ZDHHC14: variants seen among roughly 807,000 people sequenced by gnomAD.
ZDHHC14 encodes zDHHC palmitoyltransferase 14.
ZDHHC14 carries 16 observed loss-of-function variants against 47.7 expected under a neutral mutation model. That is an observed-to-expected ratio of 0.34 (90% CI 0.23 to 0.51). The LOEUF (loss-of-function observed/expected upper bound fraction) is 0.51, where lower values mean the gene tolerates loss of function less well. Ranked by LOEUF, ZDHHC14 falls within the 20% of genes least tolerant of loss-of-function variation. The probability of loss-of-function intolerance (pLI) is 0.97; values close to 1 mark genes in which losing one functional copy is unlikely to be tolerated. For missense variants in ZDHHC14, 515 were observed against 662.5 expected (o/e 0.78, Z 2.44); for synonymous variants, 293 against 278.9 (o/e 1.05, Z -0.50).
Position 157,645,758 on chromosome 6 carries a change from C to T in ZDHHC14, c.774C>T (p.Cys258=), listed in dbSNP as rs773826605. ...TCACCGTCCTGGAGGCTGTGGTGTG[C>T]TTCTTCTCTGTCTGGTCCATCGTTG... The part of the protein sequence containing the change: ...SPASVLEAVV[C]FFSVWSIVGL... Residue 258 remains cysteine (C), a synonymous_variant, in exon 6 of 9, where the codon TGC becomes TGT. Coordinates refer to ENST00000359775, the MANE Select transcript of ZDHHC14 (RefSeq NM_024630.3). 1.3e-5 allele frequency: 21 copies of T among 1,613,966 alleles called. No homozygotes were observed. Among genetic ancestry groups the T allele is most frequent in the Non-Finnish European group, 1.7e-6 (2 of 1,180,028 alleles).
chr6:157,592,674 C>T lies in ZDHHC14; in HGVS notation c.407-314C>T, dbSNP rs556939551. On this transcript the variant is annotated intron_variant, in intron 2 of 8. Coordinates refer to ENST00000359775, the MANE Select transcript of ZDHHC14 (RefSeq NM_024630.3). Reference sequence around the variant, plus strand: ...CAAGATGGCCTGGGGCCTCTCCTGCCGCCTACAGGGAGGGGAGGGGGAAGG... The same window carrying T: ...CAAGATGGCCTGGGGCCTCTCCTGCTGCCTACAGGGAGGGGAGGGGGAAGG... 3.8e-4 allele frequency: 386 copies of T among 1,017,822 alleles called. 2 individuals are homozygous for T. The highest frequency in any genetic ancestry group is 4.3e-4 in the Non-Finnish European group (351 of 818,934). The allele number at this position is 1,017,822 out of a possible 1,614,324, so 63.0% of individuals were successfully genotyped here.
rs113269802 is a variant in ZDHHC14, at chr6:157,521,738, A to G, written c.246-20847A>G. Among the ~76,000 whole-genome samples, 379 of 152,340 alleles carry G rather than the reference A, an allele frequency of 2.5e-3. 3 individuals are homozygous for G. The highest frequency in any genetic ancestry group is 8.9e-3 in the African/African-American group (369 of 41,570). On this transcript the variant is annotated intron_variant, in intron 1 of 8. Coordinates refer to ENST00000359775, the MANE Select transcript of ZDHHC14 (RefSeq NM_024630.3). ...CCATAGCAGCTTCTTTGGTGTGAGG[A>G]GAGGCTATGACATGGTTTCCTGGCA...
chr6:157,593,125 A>G lies in ZDHHC14; in HGVS notation c.544A>G (p.Ser182Gly), dbSNP rs759826360. Reference sequence around the variant, plus strand: ...CCGGCCCCCTCGCGCCTCCCATTGCAGCCTTTGTGATAACTGCGTAGGTGA... The same window carrying G: ...CCGGCCCCCTCGCGCCTCCCATTGCGGCCTTTGTGATAACTGCGTAGGTGA... ...IFRPPRASHC[S>G]LCDNCVERFD... Residue 182 changes from serine (S) to glycine (G), a missense_variant, in exon 3 of 9, where the codon AGC becomes GGC. By Grantham distance (56) the Ser-to-Gly change is moderately conservative. Transcript: ENST00000359775. The G allele has an allele frequency of 3.7e-6, 6 of 1,613,334 alleles. No homozygotes were observed. Among genetic ancestry groups the G allele is most frequent in the Non-Finnish European group, 1.7e-6 (2 of 1,179,624 alleles).
At chr6:157,631,185 ACT>A (rs1487208640) in intron 4 of ZDHHC14, 17 of 151,882 alleles carry the variant, frequency 1.1e-4, no homozygotes, top group African/African-American at 3.4e-4. Flanking sequence ...GCTCTCACAC[ACT>A]CTCACGGTGA....
intron 2 of ZDHHC14, among the ~76,000 whole-genome samples, chr6:157,590,859 C>T (rs1783881120): frequency 6.6e-6 from 1 of 152,240 alleles, no homozygotes; most frequent in African/African-American, 2.4e-5. Context: ...GGGGGTTGTA[C>T]CCTGCAAAGT....
intron 8 of ZDHHC14, among the ~76,000 whole-genome samples, chr6:157,655,446 G>A (rs1241535940): frequency 6.6e-6 from 1 of 152,184 alleles, no homozygotes; most frequent in Non-Finnish European, 1.5e-5. Flanking sequence ...ATGCCTGCAA[G>A]CGCACAGGCA....
At chr6:157,654,862 A>G (rs1305887988) in intron 8 of ZDHHC14, among the ~76,000 whole-genome samples, 3 of 151,774 alleles carry the variant, frequency 2.0e-5, no homozygotes, top group Admixed American at 6.6e-5. Context: ...CAGCCTTCCA[A>G]GTAGCTGGGA....
chr6:157,671,957 T>G lies in ZDHHC14; in HGVS notation c.1069-767T>G, dbSNP rs142161693. Reference sequence around the variant, plus strand: ...ACCACTACCACCCATCTCCAGGGCTTCTTCATCTTCCATGGCTGGAACTCT... The same window carrying G: ...ACCACTACCACCCATCTCCAGGGCTGCTTCATCTTCCATGGCTGGAACTCT... On this transcript the variant is annotated intron_variant, in intron 8 of 8. Coordinates refer to ENST00000359775, the MANE Select transcript of ZDHHC14 (RefSeq NM_024630.3). Among the ~76,000 whole-genome samples, 323 of 152,338 alleles carry G rather than the reference T, an allele frequency of 2.1e-3. 2 individuals carry two copies. In the Middle Eastern group the frequency reaches 0.024, roughly 11 times the overall value.
At chr6:157,385,647 G>C (rs985410489) in intron 1 of ZDHHC14, among the ~76,000 whole-genome samples, 1 of 152,220 alleles carries the variant, frequency 6.6e-6, no homozygotes, top group Non-Finnish European at 1.5e-5. Flanking sequence ...TTAGCCCCTG[G>C]AGAAAGGCAG....
At chr6:157,446,926 C>T (rs1660280070) in intron 1 of ZDHHC14, among the ~76,000 whole-genome samples, 2 of 151,886 alleles carry the variant, frequency 1.3e-5, no homozygotes, top group South Asian at 4.2e-4. Context: ...CGAGACTAGC[C>T]TGGCCAACAT....
chr6:157,592,795 G>A (rs1562496341), intron 2 of ZDHHC14, 193 bp from the exon 3 acceptor site: 2 of 1,407,402 alleles, frequency 1.4e-6, no homozygotes, highest in Non-Finnish European at 1.9e-6. Context: ...GCCCCTGCAC[G>A]TGTGCAACGA....
chr6:157,425,836 G>A (rs533903890), intron 1 of ZDHHC14, among the ~76,000 whole-genome samples: 183 of 152,272 alleles, frequency 1.2e-3, no homozygotes, highest in South Asian at 3.9e-3. Flanking sequence ...CTTCTAGAAC[G>A]TGCTGTGCCC....
chr6:157,413,672 C>CATGT (rs1777915273), intron 1 of ZDHHC14, among the ~76,000 whole-genome samples: 1 of 151,486 alleles, frequency 6.6e-6, no homozygotes, highest in Admixed American at 6.6e-5. Context: ...GAGCTTTCTA[C>CATGT]ACTGCATTTT....
chr6:157,666,839 T>G (rs1236040099), intron 8 of ZDHHC14, among the ~76,000 whole-genome samples: 1 of 152,218 alleles, frequency 6.6e-6, no homozygotes, highest in African/African-American at 2.4e-5. Context: ...ATTGTAACAT[T>G]AAGTGCTAAT....
intron 1 of ZDHHC14, among the ~76,000 whole-genome samples, chr6:157,396,071 CCT>C (rs1476217147): frequency 1.3e-5 from 2 of 152,036 alleles, no homozygotes; most frequent in Non-Finnish European, 2.9e-5. Context: ...AGTAGACCTC[CCT>C]GTCTCCCTCT....
rs1454248712 is a variant in ZDHHC14, at chr6:157,628,406, GA to G, written c.624del (p.Arg208SerfsTer13). On this transcript the variant is annotated frameshift_variant, in exon 4 of 9. Transcript: ENST00000359775. LOFTEE classifies it high-confidence loss of function. ...VGNCVGKRNY[R>X]FFYMFILSLS... is the part of the protein sequence containing the mutation. Reference sequence around the variant, plus strand: ...AACTGTGTGGGGAAAAGAAACTACAGATTTTTTTATATGTTTATTTTATCTC... The same window carrying G: ...AACTGTGTGGGGAAAAGAAACTACAGTTTTTTTATATGTTTATTTTATCTC... The G allele has an allele frequency of 6.2e-7, 1 of 1,612,910 alleles. No homozygotes were observed. The highest frequency in any genetic ancestry group is 1.3e-5 in the African/African-American group (1 of 74,626).
At chr6:157,644,542 G>A (rs1368724340) in intron 5 of ZDHHC14, among the ~76,000 whole-genome samples, 1 of 152,218 alleles carries the variant, frequency 6.6e-6, no homozygotes, top group Non-Finnish European at 1.5e-5. Flanking sequence ...ATTCACTCCT[G>A]TTTTGTGTGC....
chr6:157,411,864 G>A (rs1777876508), intron 1 of ZDHHC14, among the ~76,000 whole-genome samples: 1 of 151,800 alleles, frequency 6.6e-6, no homozygotes, highest in African/African-American at 2.4e-5. Flanking sequence ...GTGTGACATC[G>A]GGAAGGGTGG....
Position 157,673,278 on chromosome 6 carries a change from G to A in ZDHHC14, c.*156G>A. The A allele has an allele frequency of 2.0e-6, 2 of 1,010,364 alleles. No individual in the cohort carries two copies. The highest frequency in any genetic ancestry group is 2.0e-5 in the South Asian group (1 of 49,188). The allele number at this position is 1,010,364 out of a possible 1,614,324, so 62.6% of individuals were successfully genotyped here. A position where few individuals can be genotyped will look rare whatever the true frequency, so the allele number is the denominator to read the frequency against. On this transcript the variant is annotated 3_prime_UTR_variant, in exon 9 of 9. Coordinates refer to ENST00000359775, the MANE Select transcript of ZDHHC14 (RefSeq NM_024630.3). The surrounding 1 kb of genome is among the most constrained non-coding windows in gnomAD (Gnocchi z 5.4). ...CAGAGACCACTTAGGATGGCACAGG[G>A]TGGCTGGCCCCGGATGCTGAGAGCT...
Sources: gnomAD v4.1 joint callset for allele counts (sites outside exome capture counted in the v4.1 genomes callset) on GRCh38, gnomAD v4.1.1 for gene constraint, Gnocchi (gnomAD v3.1) non-coding constraint, MANE v1.5 for transcripts, NCBI Gene and HGNC (gene_info 2026-07-23, HGNC 2026-07-21) for gene names.